SORCS1: variants seen among roughly 807,000 people sequenced by gnomAD.
The protein encoded by SORCS1 is sortilin related VPS10 domain containing receptor 1.
Under a neutral mutation model 146.1 loss-of-function variants are expected in SORCS1, and 60 were observed. The observed-to-expected ratio is 0.41, with a 90% confidence interval of 0.33 to 0.51. The LOEUF is 0.51. SORCS1 is among the 20% of genes least tolerant of loss of function. SORCS1 has a pLI of 0.21. For synonymous variants in SORCS1, 637 were observed against 584.0 expected (o/e 1.09, Z -1.31); for missense variants, 1,352 against 1,487.6 (o/e 0.91, Z 1.50).
intron 5 of SORCS1, among the ~76,000 whole-genome samples, chr10:106,737,036 A>AGTGT (rs1301020744): frequency 3.9e-4 from 57 of 146,400 alleles, no homozygotes; most frequent in Admixed American, 2.7e-3. Flanking sequence ...TCTGCAGCAA[A>AGTGT]GTGTGTGTGT....
Position 106,699,371 on chromosome 10 carries a change from TC to T in SORCS1, c.1255del (p.Asp419MetfsTer48), listed in dbSNP as rs753868692. ...GACCGCTGCGAACACCTGATTCTCA[TC>T]GGTGCTGATAACATGCATGTCCTGT... ...LPKDMHVIST[D>X]ENQVFAAVQE... On this transcript the variant is annotated frameshift_variant, in exon 9 of 26. Transcript: ENST00000263054. LOFTEE classifies it high-confidence loss of function. 1 of 1,613,136 alleles carries T rather than the reference TC, an allele frequency of 6.2e-7. No homozygotes were observed. The highest frequency in any genetic ancestry group is 8.5e-7 in the Non-Finnish European group (1 of 1,179,518).
chr10:106,973,768 G>A (rs1955886589), intron 1 of SORCS1, among the ~76,000 whole-genome samples: 2 of 152,198 alleles, frequency 1.3e-5, no homozygotes, highest in Non-Finnish European at 2.9e-5. Flanking sequence ...ACATAAAAGT[G>A]AAGAATTAGC....
chr10:107,053,528 A>G (rs1960329052), intron 1 of SORCS1, among the ~76,000 whole-genome samples: 1 of 152,108 alleles, frequency 6.6e-6, no homozygotes, highest in African/African-American at 2.4e-5. Context: ...TAGAATTTTT[A>G]GTCAATTGAA....
At chr10:107,057,788 A>G (rs575558634) in intron 1 of SORCS1, among the ~76,000 whole-genome samples, 22 of 152,304 alleles carry the variant, frequency 1.4e-4, no homozygotes, top group African/African-American at 4.8e-4. Flanking sequence ...CCTATAGTGG[A>G]AATATGTCCA....
At chr10:106,656,603 A>G (rs1383671021) in intron 17 of SORCS1, among the ~76,000 whole-genome samples, 2 of 152,106 alleles carry the variant, frequency 1.3e-5, no homozygotes, top group Non-Finnish European at 2.9e-5. Context: ...TGAAAGTAAA[A>G]CTGGAAGGAA....
chr10:107,140,738 C>T (rs1456739155), intron 1 of SORCS1, among the ~76,000 whole-genome samples: 1 of 152,116 alleles, frequency 6.6e-6, no homozygotes, highest in Non-Finnish European at 1.5e-5. Flanking sequence ...ATTCGATATC[C>T]CAACATATAA....
chr10:106,851,533 G>C (rs1468502910), intron 2 of SORCS1, among the ~76,000 whole-genome samples: 1 of 152,102 alleles, frequency 6.6e-6, no homozygotes, highest in Non-Finnish European at 1.5e-5. Flanking sequence ...TTCTATGTCT[G>C]GGCTCTCTAC....
chr10:107,010,672 A>G (rs1464255330), intron 1 of SORCS1, among the ~76,000 whole-genome samples: 1 of 131,414 alleles, frequency 7.6e-6, no homozygotes, highest in Non-Finnish European at 1.6e-5. Flanking sequence ...TGAACAACTG[A>G]GCTAACCGTG....
chr10:107,126,008 G>A (rs1160318282), intron 1 of SORCS1, among the ~76,000 whole-genome samples: 3 of 152,098 alleles, frequency 2.0e-5, no homozygotes, highest in Admixed American at 6.5e-5. Flanking sequence ...TCTGTAACAC[G>A]TGATTAAACA....
intron 22 of SORCS1, 38 bp from the exon 23 acceptor site, chr10:106,607,335 G>T: frequency 6.2e-7 from 1 of 1,611,018 alleles, no homozygotes; most frequent in Non-Finnish European, 8.5e-7. Context: ...TAGTGCTGCA[G>T]AGAAGAAAGC....
At chr10:106,796,120 T>A (rs1191392231) in intron 3 of SORCS1, among the ~76,000 whole-genome samples, 3 of 152,238 alleles carry the variant, frequency 2.0e-5, no homozygotes, top group African/African-American at 7.2e-5. Context: ...TGGCACTGGA[T>A]CTTAGCATTT....
At chr10:106,716,524 G>A (rs914513797) in intron 6 of SORCS1, among the ~76,000 whole-genome samples, 7 of 152,312 alleles carry the variant, frequency 4.6e-5, no homozygotes, top group African/African-American at 9.6e-5. Flanking sequence ...AAAGCTCTGT[G>A]ATGTTGCTGG....
chr10:106,873,179 G>A (rs1950475702), intron 2 of SORCS1, among the ~76,000 whole-genome samples: 1 of 150,408 alleles, frequency 6.6e-6, no homozygotes, highest in African/African-American at 2.4e-5. Flanking sequence ...AGAAATAAAT[G>A]GGTAATCCCA....
At chr10:106,776,892 A>C (rs1365906645) in intron 3 of SORCS1, among the ~76,000 whole-genome samples, 200 bp from the exon 4 acceptor site, 2 of 152,178 alleles carry the variant, frequency 1.3e-5, no homozygotes, top group African/African-American at 4.8e-5. Flanking sequence ...AAAGAAATGA[A>C]GGGAGTAGGA....
intron 3 of SORCS1, among the ~76,000 whole-genome samples, chr10:106,786,537 C>T (rs999732280): frequency 6.6e-6 from 1 of 152,124 alleles, no homozygotes; most frequent in Non-Finnish European, 1.5e-5. Context: ...AGGTGCAAAG[C>T]TTTGCATGAC....
intron 24 of SORCS1, among the ~76,000 whole-genome samples, chr10:106,594,632 C>T (rs1172127948): frequency 6.6e-6 from 1 of 152,174 alleles, no homozygotes; most frequent in Non-Finnish European, 1.5e-5. Context: ...CTAGCTTGAC[C>T]TCCAGTGCTC....
intron 5 of SORCS1, among the ~76,000 whole-genome samples, chr10:106,736,460 C>G (rs1856950308): frequency 2.0e-5 from 3 of 152,130 alleles, no homozygotes. Flanking sequence ...TCCATGAGGG[C>G]AACAGGTCCT....
chr10:107,034,908 AT>A (rs1958829988), intron 1 of SORCS1, among the ~76,000 whole-genome samples: 1 of 151,842 alleles, frequency 6.6e-6, no homozygotes, highest in Non-Finnish European at 1.5e-5. Context: ...CTATTCACTC[AT>A]TTTTAACTAA....
chr10:106,734,957 C>A (rs113645286), intron 5 of SORCS1, among the ~76,000 whole-genome samples: 12 of 152,112 alleles, frequency 7.9e-5, no homozygotes, highest in Admixed American at 2.0e-4. Context: ...ACCAGACTGG[C>A]CAACATGGCA....
Sources: allele counts gnomAD v4.1 joint callset (sites outside exome capture counted in the v4.1 genomes callset), GRCh38; gene constraint gnomAD v4.1.1; transcripts MANE v1.5; gene names NCBI Gene and HGNC (gene_info 2026-07-23, HGNC 2026-07-21).